DTYMK: variants seen among roughly 807,000 people sequenced by gnomAD.
DTYMK encodes thymidylate kinase.
In DTYMK, 20 loss-of-function variants were observed where a neutral mutation model predicts 20.3. The ratio of observed to expected loss-of-function variants is 0.99; its 90% CI spans 0.69 to 1.43. The LOEUF (loss-of-function observed/expected upper bound fraction) is 1.43. Among genes scored for constraint, DTYMK ranks in the 40% most tolerant of loss-of-function variants. DTYMK has a pLI of 0.00. For synonymous variants in DTYMK, 148 were observed against 124.4 expected, an observed-to-expected ratio of 1.19 and a Z score of -1.27; for missense variants, 320 against 291.1, an observed-to-expected ratio of 1.10 and a Z score of -0.72.
intron 3 of DTYMK, 80 bp from the exon 4 acceptor site, chr2:241,678,729 G>A: frequency 6.6e-7 from 1 of 1,514,750 alleles, no homozygotes; most frequent in South Asian, 1.2e-5. Context: ...AGGAAAAAAT[G>A]AGGGGACATT....
intron 2 of DTYMK, among the ~76,000 whole-genome samples, chr2:241,683,385 G>A (rs1318208972): frequency 6.6e-6 from 1 of 152,186 alleles, no homozygotes; most frequent in African/African-American, 2.4e-5. Context: ...CCCGCAGGCT[G>A]CATGCAGCCC....
At position 241,686,808 on chromosome 2, in the gene DTYMK, G is replaced by T; in HGVS notation, c.-25C>A. The stretch of plus-strand genomic sequence containing the variant: ...TGACTGTCCACCGCCCGCCGCTGGC[G>T]TCTCCACGCAGCCTTCCGGAGCTCC... On this transcript the variant is annotated 5_prime_UTR_variant, in exon 1 of 5. Coordinates refer to ENST00000305784, the MANE Select transcript of DTYMK (RefSeq NM_012145.4). The T allele has an allele frequency of 6.9e-7, 1 of 1,440,518 alleles. No individual in the cohort carries two copies. The highest frequency in any genetic ancestry group is 9.0e-7 in the Non-Finnish European group (1 of 1,107,808). The allele number at this position is 1,440,518 out of a possible 1,614,324, so 89.2% of individuals were successfully genotyped here. A position where few individuals can be genotyped will look rare whatever the true frequency, so the allele number is the denominator to read the frequency against.
intron 2 of DTYMK, chr2:241,683,002 G>A (rs2069300815): frequency 6.5e-6 from 1 of 154,274 alleles, no homozygotes; most frequent in Non-Finnish European, 1.5e-5. Context: ...GCTAAGGCAG[G>A]AGGATCGCTT....
In DTYMK at chr2:241,686,728, T is replaced by C. The variant is rs1575110874; in HGVS notation, c.56A>G (p.Lys19Arg). The C allele has an allele frequency of 6.5e-6, 10 of 1,546,650 alleles. No homozygotes were observed. The highest frequency in any genetic ancestry group is 2.5e-5 in the East Asian group (1 of 39,462). ...IVLEGVDRAG[K>R]STQSRKLVEA... is the part of the protein sequence containing the mutation. ...CACCAGCTTGCGGCTCTGCGTGCTC[T>C]TCCCGGCGCGGTCCACGCCCTCCAG... Residue 19 changes from lysine (K) to arginine (R), a missense_variant, in exon 1 of 5, where the codon AAG (lysine) becomes AGG (arginine). Transcript: ENST00000305784.
At position 241,676,089 on chromosome 2, in the gene DTYMK, G is replaced by A. The variant is rs2069107493; in HGVS notation, c.*38C>T. On this transcript the variant is annotated 3_prime_UTR_variant, in exon 5 of 5. Coordinates refer to ENST00000305784, the MANE Select transcript of DTYMK (RefSeq NM_012145.4). The stretch of plus-strand genomic sequence containing the variant: ...TCCGCGAGTCTCCCACCTCTCGGGG[G>A]ACTGCAGGGAGAGGCGTCTCCAGTG... 1.3e-6 allele frequency: 2 copies of A among 1,570,316 alleles called. No individual in the cohort carries two copies. The highest frequency in any genetic ancestry group is 8.7e-7 in the Non-Finnish European group (1 of 1,152,832).
Position 241,680,240 on chromosome 2 carries a change from C to A in DTYMK, c.319G>T (p.Gly107Cys), listed in dbSNP as rs140262226. ...RYAFSGVAFT[G>C]AKENFSLDWC... ...CAAGTGGCACTCACCTCCTTGGCAC[C>A]GGTGAAGGCCACACCAGAAAATGCG... Residue 107 changes from glycine to cysteine, a missense_variant, in exon 3 of 5, where the codon GGT becomes TGT. Gly to Cys is a radical substitution (Grantham distance 159, BLOSUM62 -3). Transcript: ENST00000305784. The A allele has an allele frequency of 9.3e-6, 15 of 1,614,012 alleles. No individual in the cohort carries two copies. The highest frequency in any genetic ancestry group is 1.3e-5 in the African/African-American group (1 of 74,928).
intron 4 of DTYMK, among the ~76,000 whole-genome samples, chr2:241,677,521 C>A (rs1005929584): frequency 6.6e-6 from 1 of 152,256 alleles, no homozygotes; most frequent in East Asian, 1.9e-4. Flanking sequence ...TGAAGCTCCG[C>A]GGGCCGTGGC....
In DTYMK at chr2:241,678,575, T is replaced by G; in HGVS notation, c.405A>C (p.Leu135Phe). ...CCCGCTTGGCAGCATCCGCCAGCTG[T>G]AACTGGAGGAACAGGACCAGGTCGG... The part of the protein sequence containing the change: ...PKPDLVLFLQ[L>F]QLADAAKRGA... Residue 135 changes from leucine to phenylalanine, a missense_variant, in exon 4 of 5, where the codon TTA (leucine) becomes TTC (phenylalanine). By Grantham distance (22) the Leu-to-Phe change is conservative (BLOSUM62 0). Coordinates refer to ENST00000305784, the MANE Select transcript of DTYMK (RefSeq NM_012145.4). 1 of 1,614,172 alleles carries G rather than the reference T, an allele frequency of 6.2e-7. No individual in the cohort carries two copies. The highest frequency in any genetic ancestry group is 8.5e-7 in the Non-Finnish European group (1 of 1,180,042).
At chr2:241,676,694 G>A (rs955319996) in intron 4 of DTYMK, among the ~76,000 whole-genome samples, 4 of 152,222 alleles carry the variant, frequency 2.6e-5, no homozygotes, top group African/African-American at 9.6e-5. Flanking sequence ...GCTTTAAGCC[G>A]ACCTCAGCCT....
Position 241,686,738 on chromosome 2 carries a change from G to A in DTYMK, c.46C>T (p.Arg16Cys), listed in dbSNP as rs756137538. The A allele has an allele frequency of 3.9e-5, 60 of 1,545,890 alleles. 1 individual carries two copies. In the South Asian group the frequency reaches 6.8e-4, roughly 18 times the overall value. Residue 16 changes from arginine to cysteine, a missense_variant, in exon 1 of 5, where the codon CGC (arginine) becomes TGC (cysteine). By Grantham distance (180) the Arg-to-Cys change is radical. Transcript: ENST00000305784. Reference protein sequence around the residue: ...GALIVLEGVDRAGKSTQSRKL... With the variant: ...GALIVLEGVDCAGKSTQSRKL... Reference sequence around the variant, plus strand: ...CGGCTCTGCGTGCTCTTCCCGGCGCGGTCCACGCCCTCCAGCACTATGAGA... The same window carrying A: ...CGGCTCTGCGTGCTCTTCCCGGCGCAGTCCACGCCCTCCAGCACTATGAGA...
chr2:241,675,782 T>G lies in DTYMK; in HGVS notation c.*345A>C, dbSNP rs529576289. The G allele has an allele frequency of 1.2e-5, 2 of 172,772 alleles. No homozygotes were observed. The highest frequency in any genetic ancestry group is 2.4e-5 in the Non-Finnish European group (2 of 81,756). 10.7% of individuals were successfully genotyped at this position (172,772 alleles called of 1,614,324 possible). A position where few individuals can be genotyped will look rare whatever the true frequency, so the allele number is the denominator to read the frequency against. ...GTTTTTTACTAGTGTCTGGAAGACATTTAGGAGAATTCCAACTGATTACCA... is the reference window on the plus strand; with the variant it reads ...GTTTTTTACTAGTGTCTGGAAGACAGTTAGGAGAATTCCAACTGATTACCA... On this transcript the variant is annotated 3_prime_UTR_variant, in exon 5 of 5. Coordinates refer to ENST00000305784, the MANE Select transcript of DTYMK (RefSeq NM_012145.4).
intron 3 of DTYMK, among the ~76,000 whole-genome samples, chr2:241,678,977 A>G (rs7369611): frequency 0.64 from 97,794 of 151,974 alleles, 31,563 homozygotes; most frequent in Middle Eastern, 0.72. Context: ...TATGTACAGA[A>G]CCCCTGGAGA....
At chr2:241,676,746 GCACAGCC>G (rs2069126114) in intron 4 of DTYMK, among the ~76,000 whole-genome samples, 1 of 152,250 alleles carries the variant, frequency 6.6e-6, no homozygotes, top group Non-Finnish European at 1.5e-5. Flanking sequence ...CAGGAGTGAG[GCACAGCC>G]CACAGCACAG....
In DTYMK at chr2:241,677,494, G is replaced by A. The variant is rs193291141; in HGVS notation, c.528+958C>T. 2.0e-4 allele frequency among the ~76,000 whole-genome samples: 31 copies of A among 152,396 alleles called. No individual in the cohort carries two copies. The East Asian group carries it at 5.0e-3, about 25-fold the overall frequency. ...GCGAGACCCTCGGCCCTGCTCTGGA[G>A]GAGGAGCTCAAGGGACTGAAGCTCC... is the stretch of plus-strand genomic sequence containing the variant. On this transcript the variant is annotated intron_variant, in intron 4 of 4. Coordinates refer to ENST00000305784, the MANE Select transcript of DTYMK (RefSeq NM_012145.4).
At position 241,680,262 on chromosome 2, in the gene DTYMK, T is replaced by C; in HGVS notation, c.297A>G (p.Ala99=). The change falls in exon 3 of 5, where the codon GCA becomes GCG. Residue 99 remains alanine (A), a synonymous_variant. Transcript: ENST00000305784. ...CACCGGTGAAGGCCACACCAGAAAA[T>C]GCGTATCTGTCCACGACGAGGGTCA... The part of the protein sequence containing the change: ...QGVTLVVDRY[A]FSGVAFTGAK... 1 of 1,614,106 alleles carries C rather than the reference T, an allele frequency of 6.2e-7. No homozygotes were observed. The highest frequency in any genetic ancestry group is 8.5e-7 in the Non-Finnish European group (1 of 1,180,024).
chr2:241,683,126 GA>G (rs1191288449), intron 2 of DTYMK, among the ~76,000 whole-genome samples: 5 of 152,086 alleles, frequency 3.3e-5, no homozygotes, highest in African/African-American at 1.2e-4. Context: ...GATCCCTTAC[GA>G]AACCAGATAC....
At chr2:241,685,494 C>A in intron 2 of DTYMK, 2 of 270,800 alleles carry the variant, frequency 7.4e-6, no homozygotes. Context: ...GATCACACCT[C>A]TGCCTGGCGA....
At chr2:241,683,667 T>C (rs1003238712) in intron 2 of DTYMK, among the ~76,000 whole-genome samples, 4 of 152,152 alleles carry the variant, frequency 2.6e-5, no homozygotes, top group African/African-American at 9.7e-5. Flanking sequence ...TATAACAGAT[T>C]TATAACTGCC....
At chr2:241,678,331 C>G in intron 4 of DTYMK, 121 bp downstream of exon 4, 1 of 1,389,144 alleles carries the variant, frequency 7.2e-7, no homozygotes, top group Non-Finnish European at 9.8e-7. Context: ...CCCGGGGCTC[C>G]ACATCTGGGA....
Sources: gnomAD v4.1 joint callset for allele counts (sites outside exome capture counted in the v4.1 genomes callset) on GRCh38, gnomAD v4.1.1 for gene constraint, MANE v1.5 for transcripts, NCBI Gene and HGNC (gene_info 2026-07-23, HGNC 2026-07-21) for gene names.